Variants in HOTAIR observed in about 807,000 individuals in gnomAD.
HOTAIR encodes HOX transcript antisense RNA.
chr12:53,968,352 T>A lies in HOTAIR; in HGVS notation n.199+265A>T, dbSNP rs577368267. The A allele has an allele frequency of 3.3e-5, 5 of 152,208 alleles. No individual in the cohort carries two copies. The East Asian group carries it at 9.7e-4, about 29-fold the overall frequency. 9.4% of individuals were successfully genotyped at this position (152,208 alleles called of 1,614,324 possible). On this transcript the variant is annotated intron_variant and non_coding_transcript_variant, in intron 2 of 6. Transcript: ENST00000424518. The stretch of plus-strand genomic sequence containing the variant: ...AACACCCCACAGAGCCAGCCCCATG[T>A]CTCCTGAGCCTCGCTAATGCACGAT...
At position 53,973,309 on chromosome 12, in the gene HOTAIR, G is replaced by A. The variant is rs754436960; in HGVS notation, n.59+1589C>T. The A allele has an allele frequency of 1.2e-6, 2 of 1,613,876 alleles. No homozygotes were observed. The highest frequency in any genetic ancestry group is 1.3e-5 in the African/African-American group (1 of 74,930). On this transcript the variant is annotated intron_variant and non_coding_transcript_variant, in intron 1 of 6. Transcript: ENST00000424518. This position sits in a 1 kb window ranked among gnomAD's most constrained non-coding sequence, Gnocchi z 4.3. ...CGCAAGGAGAGGGGCGCAGATTTCG[G>A]CGAGCGAGGGAGCTGCGCCTCCAAC...
chr12:53,965,369 G>C (rs1939032951), intron 5 of HOTAIR, among the ~76,000 whole-genome samples: 1 of 152,224 alleles, frequency 6.6e-6, no homozygotes, highest in African/African-American at 2.4e-5. Context: ...CCAATGTGAG[G>C]AAGACAGGGT....
chr12:53,973,684 C>A lies in HOTAIR; in HGVS notation n.59+1214G>T. On this transcript the variant is annotated intron_variant and non_coding_transcript_variant, in intron 1 of 6. Coordinates refer to ENST00000424518, the Ensembl canonical transcript of HOTAIR. The surrounding 1 kb of genome is among the most constrained non-coding windows in gnomAD (Gnocchi z 4.3). Reference sequence around the variant, plus strand: ...TCAGTCAACAAGAACAGCGTCCTGCCTCAAGCCTTCGACCGTTTCTTCGAC... The same window carrying A: ...TCAGTCAACAAGAACAGCGTCCTGCATCAAGCCTTCGACCGTTTCTTCGAC... The A allele has an allele frequency of 6.2e-7, 1 of 1,613,728 alleles. No homozygotes were observed. Among genetic ancestry groups the A allele is most frequent in the South Asian group, 1.1e-5 (1 of 91,090 alleles).
chr12:53,968,887 C>G (rs1172043055), intron 1 of HOTAIR: 1 of 152,250 alleles, frequency 6.6e-6, no homozygotes, highest in Non-Finnish European at 1.5e-5. Context: ...CCACCCCTCT[C>G]TTTTCTTTTT....
intron 1 of HOTAIR, among the ~76,000 whole-genome samples, chr12:53,969,893 A>G (rs1314430416): frequency 6.6e-6 from 1 of 152,236 alleles, no homozygotes; most frequent in African/African-American, 2.4e-5. Flanking sequence ...TCTAGAACCC[A>G]GAGCAGTGGA....
chr12:53,973,471 T>C lies in HOTAIR; in HGVS notation n.59+1427A>G. On this transcript the variant is annotated intron_variant and non_coding_transcript_variant, in intron 1 of 6. Transcript: ENST00000424518. This position sits in a 1 kb window ranked among gnomAD's most constrained non-coding sequence, Gnocchi z 4.3. ...CCGGTCCGGGAGGTCTCCTACGGCC[T>C]GGAGCCATCCGGCAAGTGGCACCAT... 5 of 1,614,044 alleles carry C rather than the reference T, an allele frequency of 3.1e-6. No individual in the cohort carries two copies. The highest frequency in any genetic ancestry group is 4.2e-6 in the Non-Finnish European group (5 of 1,179,996).
Position 53,973,675 on chromosome 12 carries a change from G to C in HOTAIR, n.59+1223C>G. ...TTCTACTCCTCAGTCAACAAGAACA[G>C]CGTCCTGCCTCAAGCCTTCGACCGT... On this transcript the variant is annotated intron_variant and non_coding_transcript_variant, in intron 1 of 6. Coordinates refer to ENST00000424518, the Ensembl canonical transcript of HOTAIR. The surrounding 1 kb of genome is among the most constrained non-coding windows in gnomAD (Gnocchi z 4.3). 6.2e-7 allele frequency: 1 copy of C among 1,613,680 alleles called. No homozygotes were observed. Among genetic ancestry groups the C allele is most frequent in the Non-Finnish European group, 8.5e-7 (1 of 1,180,030 alleles).
In HOTAIR at chr12:53,973,397, C is replaced by T. The variant is rs1271584837; in HGVS notation, n.59+1501G>A. 1.9e-6 allele frequency: 3 copies of T among 1,614,216 alleles called. No individual in the cohort carries two copies. The highest frequency in any genetic ancestry group is 1.3e-5 in the African/African-American group (1 of 75,052). On this transcript the variant is annotated intron_variant and non_coding_transcript_variant, in intron 1 of 6. Transcript: ENST00000424518. This position sits in a 1 kb window ranked among gnomAD's most constrained non-coding sequence, Gnocchi z 4.3. Reference sequence around the variant, plus strand: ...TCTCCACGGTCTCCTCCTTCCTGCCCCAGGCCCCCTCTCGTCAGATCTCCT... The same window carrying T: ...TCTCCACGGTCTCCTCCTTCCTGCCTCAGGCCCCCTCTCGTCAGATCTCCT...
chr12:53,964,941 G>A (rs1299172002), intron 5 of HOTAIR, among the ~76,000 whole-genome samples: 2 of 152,166 alleles, frequency 1.3e-5, no homozygotes, highest in Admixed American at 6.5e-5. Context: ...GCCTCCTCTA[G>A]TATTGTAATC....
In HOTAIR at chr12:53,973,746, C is replaced by T. The variant is rs1289263689; in HGVS notation, n.59+1152G>A. The T allele has an allele frequency of 6.2e-7, 1 of 1,612,660 alleles. No individual in the cohort carries two copies. Among genetic ancestry groups the T allele is most frequent in the Non-Finnish European group, 8.5e-7 (1 of 1,179,712 alleles). ...CGGTGGCGGCGACCCGCCCGCCGAG[C>T]CCCCCTGCTCCGGCAAGGGCGAGGC... is the stretch of plus-strand genomic sequence containing the variant. On this transcript the variant is annotated intron_variant and non_coding_transcript_variant, in intron 1 of 6. Coordinates refer to ENST00000424518, the Ensembl canonical transcript of HOTAIR. The surrounding 1 kb of genome is among the most constrained non-coding windows in gnomAD (Gnocchi z 4.3).
At chr12:53,968,856 A>G (rs1939103503) in intron 1 of HOTAIR, 1 of 152,196 alleles carries the variant, frequency 6.6e-6, no homozygotes, top group Non-Finnish European at 1.5e-5. Context: ...TGTCACCTGA[A>G]GTTTTTCACC....
At chr12:53,970,151 G>A (rs1470268961) in intron 1 of HOTAIR, among the ~76,000 whole-genome samples, 2 of 152,250 alleles carry the variant, frequency 1.3e-5, no homozygotes, top group Admixed American at 6.5e-5. Context: ...AGAGCCAGTG[G>A]GGAGGGCCGG....
At chr12:53,963,830 G>A (rs1939000899) in exon 7 of HOTAIR, 1 of 152,248 alleles carries the variant, frequency 6.6e-6, no homozygotes, top group Admixed American at 6.5e-5. Flanking sequence ...CGTTCATGTG[G>A]CGAGCTAGGA....
chr12:53,974,897 C>T (rs1939227461), intron 1 of HOTAIR: 1 of 382,592 alleles, frequency 2.6e-6, no homozygotes, highest in Non-Finnish European at 4.7e-6. Context: ...CGCACGTGTA[C>T]CTGGAGGGCT....
rs140041271 is a variant in HOTAIR, at chr12:53,973,615, A to G, written n.59+1283T>C. 174 of 1,611,170 alleles carry G rather than the reference A, an allele frequency of 1.1e-4. No homozygotes were observed. Among genetic ancestry groups the G allele is most frequent in the Admixed American group, 3.5e-4 (21 of 59,740 alleles). On this transcript the variant is annotated intron_variant and non_coding_transcript_variant, in intron 1 of 6. Transcript: ENST00000424518. The surrounding 1 kb of genome is among the most constrained non-coding windows in gnomAD (Gnocchi z 4.3). ...AACGAAGGCTCCTACGGCGGCCACC[A>G]CCACCCCAGCGCCCCGCACGCAACC...
chr12:53,972,213 A>G (rs1361617425), intron 1 of HOTAIR, among the ~76,000 whole-genome samples: 1 of 152,206 alleles, frequency 6.6e-6, no homozygotes, highest in Non-Finnish European at 1.5e-5. Context: ...ACTAAGCCAA[A>G]GGGCCCTGAC....
chr12:53,969,703 G>A (rs912761656), intron 1 of HOTAIR, among the ~76,000 whole-genome samples: 3 of 152,248 alleles, frequency 2.0e-5, no homozygotes, highest in Admixed American at 2.0e-4. Context: ...CCCAGCCTGT[G>A]AACAAACGAG....
chr12:53,970,828 T>C (rs1375938706), intron 1 of HOTAIR, among the ~76,000 whole-genome samples: 1 of 152,084 alleles, frequency 6.6e-6, no homozygotes, highest in Non-Finnish European at 1.5e-5. Context: ...CCTACCCCCA[T>C]CTCAGTCCTG....
At chr12:53,969,523 C>G (rs566186248) in intron 1 of HOTAIR, among the ~76,000 whole-genome samples, 1 of 152,202 alleles carries the variant, frequency 6.6e-6, no homozygotes, top group Admixed American at 6.5e-5. Context: ...CAGTCCCACC[C>G]GCTTCTTGTT....
Sources: gnomAD v4.1 joint callset for allele counts (sites outside exome capture counted in the v4.1 genomes callset) on GRCh38, gnomAD v4.1.1 for gene constraint, Gnocchi (gnomAD v3.1) non-coding constraint, MANE v1.5 for transcripts, NCBI Gene and HGNC (gene_info 2026-07-23, HGNC 2026-07-21) for gene names.